MYO15B: variants seen among roughly 807,000 people sequenced by gnomAD.
MYO15B encodes the protein myosin XVB pseudogene.
A neutral mutation model predicts 119.3 loss-of-function variants in MYO15B; 207 were observed. That is an observed-to-expected ratio of 1.73 (90% CI 1.55 to 1.95). MYO15B has a LOEUF of 1.95. Among genes scored for constraint, MYO15B ranks in the 30% most tolerant of loss-of-function variants. MYO15B has a pLI of 0.00. For missense variants in MYO15B, 2,264 were observed against 1,203.1 expected, an observed-to-expected ratio of 1.88 and a Z score of -13.04; for synonymous variants, 966 against 498.9, an observed-to-expected ratio of 1.94 and a Z score of -12.48.
intron 29 of MYO15B, 106 bp from the exon 30 acceptor site, chr17:75,614,093 A>G (rs918613505): frequency 7.8e-6 from 5 of 641,314 alleles, no homozygotes; most frequent in African/African-American, 5.4e-5. Context: ...AGGCGGATCC[A>G]GGGCCACCCT....
rs2058586035 is a variant in MYO15B at position 75,619,676 on chromosome 17, T to G, written c.7183-5T>G. On this transcript the variant is annotated splice_polypyrimidine_tract_variant and splice_region_variant and intron_variant, in intron 45 of 63. Coordinates refer to ENST00000645453, the Ensembl canonical transcript of MYO15B. ...GACTGCCCGAGACCCACCACCTTCC[T>G]GTAGGGCGAGAGTGGCAGCGACGTG... 1 of 702,788 alleles carries G rather than the reference T, an allele frequency of 1.4e-6. No homozygotes were observed. Among genetic ancestry groups the G allele is most frequent in the Non-Finnish European group, 2.6e-6 (1 of 384,938 alleles). 43.5% of individuals were successfully genotyped at this position (702,788 alleles called of 1,614,324 possible). A position where few individuals can be genotyped will look rare whatever the true frequency, so the allele number is the denominator to read the frequency against.
chr17:75,617,772 C>T, intron 41 of MYO15B, 38 bp from the exon 42 acceptor site: 1 of 685,636 alleles, frequency 1.5e-6, no homozygotes, highest in Admixed American at 2.0e-5. Context: ...GGCTCTGCAG[C>T]CCCTCACTGA....
exon 30 of MYO15B, chr17:75,614,320 C>T: frequency 1.4e-6 from 1 of 702,882 alleles, no homozygotes; most frequent in Non-Finnish European, 2.6e-6. Flanking sequence ...CCTGGGGGAC[C>T]CAGCTCGCCC....
intron 12 of MYO15B, among the ~76,000 whole-genome samples, chr17:75,596,227 C>G (rs113187441): frequency 6.6e-6 from 1 of 152,190 alleles, no homozygotes; most frequent in African/African-American, 2.4e-5. Flanking sequence ...CCCAAAGGCT[C>G]GCAGGAGTGC....
chr17:75,599,576 C>A (rs1039488783), intron 14 of MYO15B, among the ~76,000 whole-genome samples: 2 of 151,996 alleles, frequency 1.3e-5, no homozygotes, highest in Non-Finnish European at 2.9e-5. Context: ...CAAGCCACCG[C>A]ACCTGGCCTG....
At chr17:75,619,907 C>T (rs528564624) in exon 47 of MYO15B, 51 of 702,326 alleles carry the variant, frequency 7.3e-5, no homozygotes, top group South Asian at 3.3e-4. Flanking sequence ...TGTGGAGTGC[C>T]GGGGCGGCTC....
exon 39 of MYO15B, chr17:75,616,720 T>C (rs1303651749): frequency 4.3e-6 from 3 of 702,956 alleles, no homozygotes; most frequent in Non-Finnish European, 5.2e-6. Context: ...GCAGGGAAAT[T>C]GGCAACATCA....
rs1412842393 is a variant in MYO15B at position 75,594,997 on chromosome 17, GA to G, written c.3297+28del. 7 of 702,174 alleles carry G rather than the reference GA, an allele frequency of 1.0e-5. No homozygotes were observed. The Admixed American group carries it at 1.4e-4, about 14-fold the overall frequency. The allele number at this position is 702,174 out of a possible 1,614,324, so 43.5% of individuals were successfully genotyped here. On this transcript the variant is annotated intron_variant, in intron 12 of 63. Transcript: ENST00000645453. ...GGTCACCCCTTGGGGTGGGGCCCAG[GA>G]AAGGGGGCACCCATATAATTCCGAT...
At chr17:75,617,787 C>T (rs2058468048) in intron 41 of MYO15B, 23 bp from the exon 42 acceptor site, 3 of 694,780 alleles carry the variant, frequency 4.3e-6, no homozygotes, top group Admixed American at 2.0e-5. Flanking sequence ...CACTGAGGCT[C>T]CTCACCCCCT....
At chr17:75,619,951 G>A (rs369987742) in exon 47 of MYO15B, 25 of 702,844 alleles carry the variant, frequency 3.6e-5, no homozygotes, top group South Asian at 7.4e-5. Context: ...GCGAGCAGCT[G>A]GTGCTGCACA....
intron 19 of MYO15B, among the ~76,000 whole-genome samples, chr17:75,603,617 C>T (rs2057430227): frequency 2.0e-5 from 3 of 152,102 alleles, no homozygotes; most frequent in Non-Finnish European, 4.4e-5. Flanking sequence ...CTAGGCGGGG[C>T]TCACGGTCTA....
chr17:75,605,436 TAAAA>T, intron 19 of MYO15B, 64 bp from the exon 20 acceptor site: 4 of 557,492 alleles, frequency 7.2e-6, no homozygotes, highest in East Asian at 3.1e-5. Flanking sequence ...GACTCCGTCT[TAAAA>T]AAAAAAAAAA....
At chr17:75,611,739 T>C (rs2147973214) in intron 24 of MYO15B, 81 bp downstream of exon 24, 1 of 699,072 alleles carries the variant, frequency 1.4e-6, no homozygotes, top group East Asian at 2.7e-5. Context: ...TTGTGGTTCC[T>C]CCCTCTGATG....
At chr17:75,620,248 C>G in exon 48 of MYO15B, 2 of 702,832 alleles carry the variant, frequency 2.8e-6, no homozygotes, top group East Asian at 2.7e-5. Context: ...GCCCACAGGA[C>G]TCCGGCTATG....
intron 6 of MYO15B, 72 bp from the exon 7 acceptor site, chr17:75,592,166 A>G: frequency 1.4e-6 from 1 of 701,184 alleles, no homozygotes; most frequent in South Asian, 1.5e-5. Flanking sequence ...AGACCCTGGT[A>G]GGGCTTCTTC....
At chr17:75,626,734 T>C (rs1424196464) in exon 64 of MYO15B, 1 of 563,196 alleles carries the variant, frequency 1.8e-6, no homozygotes, top group Non-Finnish European at 3.2e-6. Context: ...GCACCTGAGG[T>C]TGCCCAGTCT....
At chr17:75,616,337 G>A (rs1217934382) in exon 38 of MYO15B, 8 of 609,382 alleles carry the variant, frequency 1.3e-5, no homozygotes, top group African/African-American at 1.1e-4. Flanking sequence ...CAGTGAGGAC[G>A]ATGAAGCCCC....
At chr17:75,588,591 G>A in exon 1 of MYO15B, 2 of 399,444 alleles carry the variant, frequency 5.0e-6, no homozygotes, top group East Asian at 3.6e-5. Context: ...GCACAGCCCG[G>A]GAGCTGCGGC....
chr17:75,592,191 G>C (rs980293577), intron 6 of MYO15B, 47 bp from the exon 7 acceptor site: 1 of 702,036 alleles, frequency 1.4e-6, no homozygotes, highest in East Asian at 2.7e-5. Flanking sequence ...CGGGGCCCCT[G>C]GGTGTTCTGC....
Sources: gnomAD v4.1 joint callset for allele counts (sites outside exome capture counted in the v4.1 genomes callset) on GRCh38, gnomAD v4.1.1 for gene constraint, MANE v1.5 for transcripts, NCBI Gene and HGNC (gene_info 2026-07-23, HGNC 2026-07-21) for gene names.